USH2A: variants seen among roughly 807,000 people sequenced by gnomAD.
The protein encoded by USH2A is Usher syndrome 2A (autosomal recessive, mild).
Under a neutral mutation model 538.9 loss-of-function variants are expected in USH2A, and 443 were observed. That is an observed-to-expected ratio of 0.82 (90% CI 0.76 to 0.89). The LOEUF (loss-of-function observed/expected upper bound fraction) is 0.89, where lower values mean the gene tolerates loss of function less well. USH2A is among the 40% of genes least tolerant of loss of function. The pLI is 0.00. For synonymous variants in USH2A, 2,413 were observed against 2,273.5 expected (o/e 1.06, Z -1.75); for missense variants, 6,633 against 6,324.8 (o/e 1.05, Z -1.65).
rs747690314 is a variant in USH2A at position 216,097,259 on chromosome 1, G to A, written c.4628-46C>T. 1.9e-6 allele frequency: 3 copies of A among 1,613,406 alleles called. No homozygotes were observed. In the Admixed American group the frequency reaches 5.0e-5, roughly 27 times the overall value. Reference sequence around the variant, plus strand: ...AGCAAATCAGTGCTGGGGTTTTGTTGATTCTTTCTGATAAATGTACATTTA... The same window carrying A: ...AGCAAATCAGTGCTGGGGTTTTGTTAATTCTTTCTGATAAATGTACATTTA... On this transcript the variant is annotated intron_variant, in intron 21 of 71. Coordinates refer to ENST00000307340, the MANE Select transcript of USH2A (RefSeq NM_206933.4).
chr1:216,336,062 C>G (rs2037968841), intron 4 of USH2A, among the ~76,000 whole-genome samples: 1 of 151,414 alleles, frequency 6.6e-6, no homozygotes, highest in Non-Finnish European at 1.5e-5. Context: ...CAAAAAGGAT[C>G]ATACATCATG....
At chr1:216,058,886 T>C (rs1267642361) in intron 30 of USH2A, among the ~76,000 whole-genome samples, 1 of 152,168 alleles carries the variant, frequency 6.6e-6, no homozygotes, top group Non-Finnish European at 1.5e-5. Flanking sequence ...TCACTTACCT[T>C]GAGCAAGGTA....
rs372149768 is a variant in USH2A at position 216,058,793 on chromosome 1, G to T, written c.6050-10146C>A. 5.3e-5 allele frequency among the ~76,000 whole-genome samples: 8 copies of T among 152,252 alleles called. No individual in the cohort carries two copies. In the East Asian group the frequency reaches 1.2e-3, roughly 22 times the overall value. ...CAGCACAAAAAAATATTAACATTAG[G>T]TTAACTATGGGGTTAGTAGCAGAAA... On this transcript the variant is annotated intron_variant, in intron 30 of 71. Transcript: ENST00000307340.
intron 61 of USH2A, among the ~76,000 whole-genome samples, chr1:215,699,309 T>A (rs1363218366): frequency 6.6e-6 from 1 of 152,314 alleles, no homozygotes; most frequent in East Asian, 1.9e-4. Flanking sequence ...TGGGCTCTTT[T>A]TTGGTTCCAT....
chr1:215,680,405 T>A, intron 61 of USH2A, 29 bp from the exon 62 acceptor site: 1 of 1,485,486 alleles, frequency 6.7e-7, no homozygotes, highest in Non-Finnish European at 9.0e-7. Context: ...GTTAAGTTGT[T>A]GTTTTTTTTT....
intron 3 of USH2A, among the ~76,000 whole-genome samples, chr1:216,394,799 A>G (rs1161449660): frequency 6.9e-6 from 1 of 143,932 alleles, no homozygotes; most frequent in Non-Finnish European, 1.5e-5. Flanking sequence ...GCTCACTGCA[A>G]GCTCCGCCTC....
At chr1:216,250,645 T>A (rs1290524178) in intron 12 of USH2A, among the ~76,000 whole-genome samples, 1 of 152,224 alleles carries the variant, frequency 6.6e-6, no homozygotes, top group Non-Finnish European at 1.5e-5. Context: ...TATGACTTAT[T>A]AGTATGGGAC....
chr1:216,410,725 C>T (rs1006729655), intron 3 of USH2A, among the ~76,000 whole-genome samples: 2 of 152,146 alleles, frequency 1.3e-5, no homozygotes, highest in African/African-American at 4.8e-5. Context: ...AAAGAAATCA[C>T]TGTACCTGCA....
intron 4 of USH2A, among the ~76,000 whole-genome samples, chr1:216,333,786 C>T (rs368359531): frequency 2.6e-5 from 4 of 151,874 alleles, no homozygotes; most frequent in East Asian, 3.9e-4. Flanking sequence ...GAAACCATGG[C>T]GTCCAGAAGG....
In USH2A at chr1:215,670,555, A is replaced by G. The variant is rs1018915713; in HGVS notation, c.14133+417T>C. ...TGTATTCCTCTAGACTTTTTTCAACATTCTGTATCTTTCTTGAGCACCGAG... is the reference window on the plus strand; with the variant it reads ...TGTATTCCTCTAGACTTTTTTCAACGTTCTGTATCTTTCTTGAGCACCGAG... On this transcript the variant is annotated intron_variant, in intron 64 of 71. Coordinates refer to ENST00000307340, the MANE Select transcript of USH2A (RefSeq NM_206933.4). Among the ~76,000 whole-genome samples the G allele has an allele frequency of 3.3e-5, 5 of 152,188 alleles. No homozygotes were observed. The East Asian group carries it at 5.8e-4, about 18-fold the overall frequency.
At chr1:215,938,540 CT>C (rs1288484931) in intron 37 of USH2A, among the ~76,000 whole-genome samples, 6 of 152,088 alleles carry the variant, frequency 3.9e-5, no homozygotes, top group African/African-American at 1.4e-4. Context: ...TTGGTTCAGC[CT>C]CAAAAATCAA....
chr1:216,313,870 G>A (rs1341126442), intron 9 of USH2A, among the ~76,000 whole-genome samples: 1 of 152,078 alleles, frequency 6.6e-6, no homozygotes, highest in African/African-American at 2.4e-5. Context: ...CATTGTGGCT[G>A]TTGAGAAATA....
intron 3 of USH2A, among the ~76,000 whole-genome samples, chr1:216,372,331 A>T (rs1321058262): frequency 6.6e-6 from 1 of 152,078 alleles, no homozygotes; most frequent in Non-Finnish European, 1.5e-5. Flanking sequence ...CACACACCCC[A>T]AACCAACATA....
intron 30 of USH2A, among the ~76,000 whole-genome samples, chr1:216,065,203 G>A (rs533303047): frequency 6.6e-6 from 1 of 152,184 alleles, no homozygotes; most frequent in East Asian, 1.9e-4. Flanking sequence ...GTGGGATCTC[G>A]CCTTCAAGAA....
intron 69 of USH2A, among the ~76,000 whole-genome samples, chr1:215,637,185 TCCC>T (rs1312850888): frequency 6.6e-6 from 1 of 152,040 alleles, no homozygotes; most frequent in Non-Finnish European, 1.5e-5. Flanking sequence ...ACAACACACT[TCCC>T]ATTCACCAAG....
chr1:216,386,707 T>A (rs1404802893), intron 3 of USH2A, among the ~76,000 whole-genome samples: 1 of 150,248 alleles, frequency 6.7e-6, no homozygotes, highest in East Asian at 2.0e-4. Context: ...TACAAAAAAT[T>A]AGCCTGGCGT....
chr1:215,767,418 T>C (rs1242148986), intron 55 of USH2A, among the ~76,000 whole-genome samples: 1 of 152,220 alleles, frequency 6.6e-6, no homozygotes, highest in South Asian at 2.1e-4. Flanking sequence ...TCAACTCATA[T>C]TAACGCTAAC....
intron 35 of USH2A, among the ~76,000 whole-genome samples, chr1:215,987,657 C>T (rs1381261078): frequency 1.3e-5 from 2 of 152,130 alleles, no homozygotes; most frequent in African/African-American, 4.8e-5. Flanking sequence ...ACTTGGCAGA[C>T]TGAGGCAATT....
intron 43 of USH2A, among the ~76,000 whole-genome samples, chr1:215,872,738 G>C (rs938161452): frequency 5.9e-5 from 9 of 151,950 alleles, no homozygotes; most frequent in African/African-American, 2.2e-4. Context: ...GATGTGCTTG[G>C]ATCATAGGGG....
Sources: allele counts gnomAD v4.1 joint callset (sites outside exome capture counted in the v4.1 genomes callset), GRCh38; gene constraint gnomAD v4.1.1; transcripts MANE v1.5; gene names NCBI Gene and HGNC (gene_info 2026-07-23, HGNC 2026-07-21).